The following NTF3 variants were observed in gnomAD, a reference collection of about 807,000 sequenced individuals.
NTF3 encodes neurotrophin 3.
Under a neutral mutation model 26.3 loss-of-function variants are expected in NTF3, and 8 were observed. That is an observed-to-expected ratio of 0.30 (90% CI 0.18 to 0.55). The LOEUF (loss-of-function observed/expected upper bound fraction) is 0.55, where lower values mean the gene tolerates loss of function less well. Ranked by LOEUF, NTF3 falls within the 20% of genes least tolerant of loss-of-function variation. The probability of loss-of-function intolerance (pLI) is 0.93; values close to 1 mark genes in which losing one functional copy is unlikely to be tolerated. For synonymous variants in NTF3, 154 were observed against 145.5 expected (o/e 1.06, Z -0.42); for missense variants, 276 against 352.9 (o/e 0.78, Z 1.75).
intron 1 of NTF3, among the ~76,000 whole-genome samples, chr12:5,475,557 A>G (rs1260010356): frequency 2.0e-5 from 3 of 151,926 alleles, no homozygotes; most frequent in African/African-American, 7.3e-5. Context: ...TGTCTGGGCC[A>G]GGCATGGTGG....
chr12:5,477,297 G>T (rs778440538), intron 1 of NTF3, among the ~76,000 whole-genome samples: 1 of 152,168 alleles, frequency 6.6e-6, no homozygotes, highest in Non-Finnish European at 1.5e-5. Context: ...CCTTATTTAT[G>T]AAGTGGAATA....
intron 1 of NTF3, among the ~76,000 whole-genome samples, chr12:5,470,198 ACAGGCGTGAGCCACT>A (rs1158396665): frequency 2.6e-5 from 4 of 152,200 alleles, no homozygotes; most frequent in Non-Finnish European, 5.9e-5. Context: ...TGCTGGGATT[ACAGGCGTGAGCCACT>A]GCGCTCGGCC....
At chr12:5,485,931 C>T (rs534466300) in intron 1 of NTF3, among the ~76,000 whole-genome samples, 4 of 152,156 alleles carry the variant, frequency 2.6e-5, no homozygotes, top group African/African-American at 9.7e-5. Context: ...AGCATGATGG[C>T]GGCCACAGGG....
At chr12:5,486,581 G>A (rs7965477) in intron 1 of NTF3, among the ~76,000 whole-genome samples, 66,297 of 151,964 alleles carry the variant, frequency 0.44, 14,500 homozygotes, top group South Asian at 0.51. Context: ...CATAAACTCA[G>A]CTCGAACATA....
In NTF3 at chr12:5,494,682, T is replaced by C; in HGVS notation, c.507T>C (p.Ser169=). The stretch of plus-strand genomic sequence containing the variant: ...AGTACTCGGTATGTGACAGTGAGAG[T>C]CTGTGGGTGACCGACAAGTCATCGG... The part of the protein sequence containing the change: ...RGEYSVCDSE[S]LWVTDKSSAI... The change falls in exon 2 of 2, where the codon AGT becomes AGC. Residue 169 remains serine, a synonymous_variant. Coordinates refer to ENST00000423158, the MANE Select transcript of NTF3 (RefSeq NM_001102654.2). This position sits in a 1 kb window ranked among gnomAD's most constrained non-coding sequence, Gnocchi z 8.3. The C allele has an allele frequency of 6.2e-7, 1 of 1,613,764 alleles. No individual in the cohort carries two copies. The highest frequency in any genetic ancestry group is 1.1e-5 in the South Asian group (1 of 91,044).
chr12:5,482,513 G>A, intron 1 of NTF3, among the ~76,000 whole-genome samples: 1 of 152,210 alleles, frequency 6.6e-6, no homozygotes, highest in East Asian at 1.9e-4. Flanking sequence ...TGGTGGCAGG[G>A]TGGAGCAGTC....
chr12:5,491,716 C>CTTTT (rs5796156), intron 1 of NTF3, among the ~76,000 whole-genome samples: 91 of 98,204 alleles, frequency 9.3e-4, no homozygotes, highest in East Asian at 1.4e-3. Flanking sequence ...CTCTCCTCTT[C>CTTTT]TTTTTTTTTT....
At chr12:5,439,192 G>C (rs1250605373) in intron 1 of NTF3, among the ~76,000 whole-genome samples, 3 of 152,224 alleles carry the variant, frequency 2.0e-5, no homozygotes, top group African/African-American at 7.2e-5. Flanking sequence ...TCTTTAAGAT[G>C]ATGGATGATG....
At chr12:5,445,483 C>A (rs1424323383) in intron 1 of NTF3, among the ~76,000 whole-genome samples, 2 of 152,102 alleles carry the variant, frequency 1.3e-5, no homozygotes, top group Admixed American at 6.5e-5. Context: ...GATGGACAGC[C>A]GGCATGCCAT....
chr12:5,438,580 C>T (rs1940200886), intron 1 of NTF3, among the ~76,000 whole-genome samples: 1 of 152,052 alleles, frequency 6.6e-6, no homozygotes, highest in Admixed American at 6.5e-5. Flanking sequence ...TGGGTTTGTT[C>T]AGTCAGAGAT....
At chr12:5,455,416 A>G (rs949848853) in intron 1 of NTF3, among the ~76,000 whole-genome samples, 2 of 152,124 alleles carry the variant, frequency 1.3e-5, no homozygotes, top group Non-Finnish European at 2.9e-5. Flanking sequence ...AGGACGATGC[A>G]TGCAAGTCAG....
intron 1 of NTF3, among the ~76,000 whole-genome samples, chr12:5,484,409 A>T (rs759104585): frequency 2.6e-5 from 4 of 152,222 alleles, no homozygotes; most frequent in Non-Finnish European, 5.9e-5. Flanking sequence ...TAATATGTCA[A>T]CTAGAAAGAA....
intron 1 of NTF3, among the ~76,000 whole-genome samples, chr12:5,435,703 A>C (rs569351484): frequency 1.4e-4 from 21 of 152,202 alleles, no homozygotes; most frequent in South Asian, 6.2e-4. Flanking sequence ...GAGACCTGTT[A>C]TGTGGAGCTG....
intron 1 of NTF3, among the ~76,000 whole-genome samples, chr12:5,449,459 G>A (rs1250201712): frequency 6.6e-6 from 1 of 152,140 alleles, no homozygotes; most frequent in Non-Finnish European, 1.5e-5. Flanking sequence ...TCTACGTTTT[G>A]CAGGTTGTAG....
At chr12:5,431,932 C>T (rs762718892), upstream of NTF3, among the ~76,000 whole-genome samples, 79 of 149,300 alleles carry the variant, frequency 5.3e-4, no homozygotes, top group Non-Finnish European at 7.0e-4. Context: ...GAAATGACCC[C>T]TTCCCCGCCA....
chr12:5,431,670 A>AAAGG (rs1940089063), upstream of NTF3, among the ~76,000 whole-genome samples: 1 of 152,082 alleles, frequency 6.6e-6, no homozygotes, highest in Non-Finnish European at 1.5e-5. Context: ...AAAGGCAGGA[A>AAAGG]AAGGCCCTGA....
At chr12:5,442,796 G>A (rs1010676795) in intron 1 of NTF3, among the ~76,000 whole-genome samples, 1 of 152,182 alleles carries the variant, frequency 6.6e-6, no homozygotes, top group African/African-American at 2.4e-5. Context: ...AAGTATTATT[G>A]TAAGGGGCCA....
At chr12:5,481,042 G>C (rs1047830014) in intron 1 of NTF3, among the ~76,000 whole-genome samples, 9 of 152,022 alleles carry the variant, frequency 5.9e-5, no homozygotes, top group African/African-American at 1.9e-4. Flanking sequence ...GGTGTGGGTG[G>C]CGGGGTAGGG....
intron 1 of NTF3, among the ~76,000 whole-genome samples, chr12:5,464,207 CTT>C (rs1940559321): frequency 6.6e-6 from 1 of 152,172 alleles, no homozygotes; most frequent in South Asian, 2.1e-4. Flanking sequence ...TCAGCAAACA[CTT>C]TTGACTGGTT....
Sources: gnomAD v4.1 joint callset for allele counts (sites outside exome capture counted in the v4.1 genomes callset) on GRCh38, gnomAD v4.1.1 for gene constraint, Gnocchi (gnomAD v3.1) non-coding constraint, MANE v1.5 for transcripts, NCBI Gene and HGNC (gene_info 2026-07-23, HGNC 2026-07-21) for gene names.